Variants in CUL3 observed in about 807,000 individuals in gnomAD.
CUL3 encodes cullin-3.
CUL3 carries 19 observed loss-of-function variants against 89.1 expected under a neutral mutation model. That is an observed-to-expected ratio of 0.21 (90% CI 0.15 to 0.31). The LOEUF (loss-of-function observed/expected upper bound fraction) is 0.31, where lower values mean the gene tolerates loss of function less well. CUL3 is among the 10% of genes least tolerant of loss of function. CUL3 has a pLI of 1.00. For missense variants in CUL3, 469 were observed against 942.3 expected, an observed-to-expected ratio of 0.50 and a Z score of 6.58; for synonymous variants, 351 against 308.4, an observed-to-expected ratio of 1.14 and a Z score of -1.45.
intron 1 of CUL3, among the ~76,000 whole-genome samples, chr2:224,568,872 A>T (rs1695112159): frequency 6.6e-6 from 1 of 152,234 alleles, no homozygotes; most frequent in East Asian, 1.9e-4. Context: ...TTGGCATCAA[A>T]TGCACGTCAA....
intron 1 of CUL3, among the ~76,000 whole-genome samples, chr2:224,562,098 T>C (rs920526525): frequency 3.3e-5 from 5 of 152,214 alleles, no homozygotes; most frequent in African/African-American, 1.2e-4. Context: ...TAAATTTTTC[T>C]ACTAGAAGCT....
intron 6 of CUL3, among the ~76,000 whole-genome samples, chr2:224,510,295 TTTTG>T (rs762311392): frequency 1.4e-5 from 2 of 141,892 alleles, no homozygotes; most frequent in Non-Finnish European, 3.0e-5. Flanking sequence ...CTCTAGTTTT[TTTTG>T]TTTTTTTTTT....
chr2:224,580,765 A>C (rs1695417640), intron 1 of CUL3, among the ~76,000 whole-genome samples: 1 of 152,232 alleles, frequency 6.6e-6, no homozygotes. Context: ...TAGTATCTAT[A>C]AAATATCCAG....
intron 1 of CUL3, among the ~76,000 whole-genome samples, chr2:224,558,543 A>T (rs1694796823): frequency 6.6e-6 from 1 of 152,172 alleles, no homozygotes; most frequent in African/African-American, 2.4e-5. Context: ...TCTTGTGCTC[A>T]AAGTGCCAAG....
At chr2:224,500,207 G>A in intron 11 of CUL3, 156 bp downstream of exon 11, 1 of 763,742 alleles carries the variant, frequency 1.3e-6, no homozygotes, top group South Asian at 1.9e-5. Context: ...TCCTATAGAG[G>A]GGGAAATTGC....
Position 224,502,998 on chromosome 2 carries a change from C to G in CUL3, c.1452G>C (p.Met484Ile), listed in dbSNP as rs768583356. The G allele has an allele frequency of 1.9e-6, 3 of 1,613,902 alleles. No individual in the cohort carries two copies. In the East Asian group the frequency reaches 6.7e-5, roughly 36 times the overall value. ...CCTGTAGATGTTGCCTGAATTCATC[C>G]ATCGTTGTGTTTGAGATGCTCATAT... ...FRDMSISNTT[M>I]DEFRQHLQAT... The change falls in exon 10 of 16, where the codon ATG becomes ATC. Residue 484 changes from methionine to isoleucine, a missense_variant. Met to Ile is a conservative substitution (Grantham distance 10). This residue lies in a region of CUL3 where 370 missense variants were observed against 733.2 expected (regional missense o/e 0.50). Transcript: ENST00000264414.
At position 224,485,050 on chromosome 2, in the gene CUL3, A is replaced by G. The variant is rs1451556921; in HGVS notation, c.1843-2972T>C. Among the ~76,000 whole-genome samples the G allele has an allele frequency of 6.6e-6, 1 of 152,190 alleles. No individual in the cohort carries two copies. Among genetic ancestry groups the G allele is most frequent in the African/African-American group, 2.4e-5 (1 of 41,440 alleles). ...AAGGGGTCAGGGAACTCCCTCCCCT[A>G]GCCAAGGGAAGCCCTGAGGGACTGT... On this transcript the variant is annotated intron_variant, in intron 13 of 15. Transcript: ENST00000264414. The surrounding 1 kb of genome is among the most constrained non-coding windows in gnomAD (Gnocchi z 4.1).
At chr2:224,499,248 C>G (rs1278598455) in intron 11 of CUL3, 1 of 154,166 alleles carries the variant, frequency 6.5e-6, no homozygotes, top group African/African-American at 2.4e-5. Flanking sequence ...CCTGGAAGAA[C>G]ATCTTAATAA....
rs886055678 is a variant in CUL3 at position 224,470,459 on chromosome 2, G to GT, written c.*3785dup. ...AGTTGTTTTTCTCCTGAGAGCTGGCGTAATGGCCAATCTCTGTATCATTAC... is the reference window on the plus strand; with the variant it reads ...AGTTGTTTTTCTCCTGAGAGCTGGCGTTAATGGCCAATCTCTGTATCATTAC... On this transcript the variant is annotated 3_prime_UTR_variant, in exon 16 of 16. Transcript: ENST00000264414. The GT allele has an allele frequency of 5.6e-5, 13 of 230,338 alleles. No individual in the cohort carries two copies. In the East Asian group the frequency reaches 8.1e-4, roughly 14 times the overall value. The allele number at this position is 230,338 out of a possible 1,614,324, so 14.3% of individuals were successfully genotyped here. A position where few individuals can be genotyped will look rare whatever the true frequency, so the allele number is the denominator to read the frequency against.
At chr2:224,522,743 A>G (rs1829921) in intron 3 of CUL3, among the ~76,000 whole-genome samples, 27,809 of 151,520 alleles carry the variant, frequency 0.18, 2,894 homozygotes, top group South Asian at 0.27. Context: ...CAGGAGAATG[A>G]TATGAACCCG....
rs186807043 is a variant in CUL3, at chr2:224,474,121, G to T, written c.*124C>A. The T allele has an allele frequency of 1.0e-6, 1 of 984,222 alleles. No individual in the cohort carries two copies. Among genetic ancestry groups the T allele is most frequent in the Non-Finnish European group, 1.5e-6 (1 of 685,294 alleles). The allele number at this position is 984,222 out of a possible 1,614,324, so 61.0% of individuals were successfully genotyped here. ...AAGGGAGTAAAGGCTTGATCTCAAT[G>T]GTCTAGAACATGTACTGTAATTTAA... On this transcript the variant is annotated 3_prime_UTR_variant, in exon 16 of 16. Transcript: ENST00000264414.
chr2:224,486,428 C>G (rs1359858271), intron 13 of CUL3, among the ~76,000 whole-genome samples: 4 of 152,006 alleles, frequency 2.6e-5, no homozygotes, highest in African/African-American at 9.7e-5. Flanking sequence ...CATAAATGAC[C>G]TGATGGAGCT....
intron 3 of CUL3, among the ~76,000 whole-genome samples, 197 bp from the exon 4 acceptor site, chr2:224,514,969 A>G (rs1409316825): frequency 1.3e-5 from 2 of 152,198 alleles, no homozygotes; most frequent in African/African-American, 4.8e-5. Flanking sequence ...ACAATTGACA[A>G]TGGCTATAAA....
chr2:224,487,435 G>GCC lies in CUL3; in HGVS notation c.1843-5359_1843-5358dup, dbSNP rs1171138481. On this transcript the variant is annotated intron_variant, in intron 13 of 15. Transcript: ENST00000264414. ...GGATGGAGGAATATTTACCAAGCCCGCCCCCCCCAAAAAAAAAAAAAAAAA... is the reference window on the plus strand; with the variant it reads ...GGATGGAGGAATATTTACCAAGCCCGCCCCCCCCCCAAAAAAAAAAAAAAAAA... Among the ~76,000 whole-genome samples, 34 of 51,786 alleles carry GCC rather than the reference G, an allele frequency of 6.6e-4. 2 individuals are homozygous for GCC. The highest frequency in any genetic ancestry group is 0.011 in the Middle Eastern group (1 of 94). The allele number at this position is 51,786 out of a possible 152,430, so 34.0% of individuals were successfully genotyped here.
chr2:224,510,219 G>GC (rs35677866), intron 6 of CUL3, among the ~76,000 whole-genome samples: 24,174 of 105,134 alleles, frequency 0.23, 2,355 homozygotes, highest in East Asian at 0.35. Flanking sequence ...GATGACTTCT[G>GC]TTTTTTTTTT....
At chr2:224,567,477 C>T (rs1305062918) in intron 1 of CUL3, among the ~76,000 whole-genome samples, 1 of 152,216 alleles carries the variant, frequency 6.6e-6, no homozygotes, top group Non-Finnish European at 1.5e-5. Flanking sequence ...CGGTGGCTCA[C>T]GCCTGTAATC....
intron 2 of CUL3, among the ~76,000 whole-genome samples, chr2:224,546,102 A>C (rs1314132783): frequency 6.6e-6 from 1 of 152,138 alleles, no homozygotes; most frequent in Non-Finnish European, 1.5e-5. Flanking sequence ...CCACAGAAAA[A>C]CACCACTATG....
intron 2 of CUL3, among the ~76,000 whole-genome samples, chr2:224,544,265 A>G (rs1694220309): frequency 1.3e-5 from 2 of 152,182 alleles, no homozygotes; most frequent in Non-Finnish European, 1.5e-5. Context: ...GATTTTTTAA[A>G]TTGGGGCTTC....
At chr2:224,571,308 C>T (rs1004000971) in intron 1 of CUL3, among the ~76,000 whole-genome samples, 6 of 152,120 alleles carry the variant, frequency 3.9e-5, no homozygotes, top group South Asian at 2.1e-4. Flanking sequence ...TCCCAATATA[C>T]TATGAAATCC....
Sources: gnomAD v4.1 joint callset for allele counts (sites outside exome capture counted in the v4.1 genomes callset) on GRCh38, gnomAD v4.1.1 for gene constraint, gnomAD v4.1.1 regional missense constraint, Gnocchi (gnomAD v3.1) non-coding constraint, MANE v1.5 for transcripts, NCBI Gene and HGNC (gene_info 2026-07-23, HGNC 2026-07-21) for gene names.